Variants in GPRC5D observed in about 807,000 individuals in gnomAD.
GPRC5D encodes the protein G protein-coupled receptor class C group 5 member D, also known as G protein-coupled receptor family C group 5 member D.
GPRC5D carries 20 observed loss-of-function variants against 29.3 expected under a neutral mutation model. The ratio of observed to expected loss-of-function variants is 0.68; its 90% CI spans 0.48 to 0.99. The LOEUF is 0.99. Among genes scored for constraint, GPRC5D ranks in the 50% least tolerant of loss-of-function variants. The pLI is 0.00. For missense variants in GPRC5D, 384 were observed against 423.6 expected, an observed-to-expected ratio of 0.91 and a Z score of 0.82; for synonymous variants, 178 against 171.3, an observed-to-expected ratio of 1.04 and a Z score of -0.30.
In GPRC5D at chr12:12,949,677, C is replaced by A. The variant is rs764873589; in HGVS notation, c.708G>T (p.Gln236His). The A allele has an allele frequency of 5.6e-6, 9 of 1,614,026 alleles. No individual in the cohort carries two copies. Among genetic ancestry groups the A allele is most frequent in the Non-Finnish European group, 7.6e-6 (9 of 1,180,026 alleles). Residue 236 changes from glutamine (Q) to histidine (H), a missense_variant, in exon 1 of 3, where the codon CAG becomes CAT. Coordinates refer to ENST00000228887, the Ensembl canonical transcript of GPRC5D. ...CAATGCAGACGACCGGGTCGTCCCACTGGGGCTGTCGCTGGAACTGCGGGT... is the reference window on the plus strand; with the variant it reads ...CAATGCAGACGACCGGGTCGTCCCAATGGGGCTGTCGCTGGAACTGCGGGT...
chr12:12,941,479 G>A (rs554759171), intron 2 of GPRC5D, among the ~76,000 whole-genome samples: 1 of 152,320 alleles, frequency 6.6e-6, no homozygotes, highest in East Asian at 1.9e-4. Flanking sequence ...CCTGGTCCAT[G>A]TGTCATTCTA....
intron 1 of GPRC5D, among the ~76,000 whole-genome samples, chr12:12,946,422 C>CTT (rs113477971): frequency 0.82 from 115,752 of 141,108 alleles, 49,212 homozygotes; most frequent in Non-Finnish European, 0.91. Context: ...CTTTCTCTCT[C>CTT]TCTCTTTCTC....
At chr12:12,951,273 A>ATTTC (rs1863489234), upstream of GPRC5D, among the ~76,000 whole-genome samples, 1 of 152,220 alleles carries the variant, frequency 6.6e-6, no homozygotes, top group Admixed American at 6.5e-5. Flanking sequence ...GGGCATATGA[A>ATTTC]ATAAATGTCC....
At chr12:12,947,861 CTG>C (rs1208578913) in intron 1 of GPRC5D, among the ~76,000 whole-genome samples, 1 of 152,192 alleles carries the variant, frequency 6.6e-6, no homozygotes, top group East Asian at 1.9e-4. Flanking sequence ...CCCAGCCAAT[CTG>C]TATGTTCTTT....
chr12:12,951,960 A>G (rs1207108392), upstream of GPRC5D: 1 of 152,178 alleles, frequency 6.6e-6, no homozygotes, highest in Admixed American at 6.5e-5. Context: ...TAGCCTAGGA[A>G]AAAGATCCCA....
rs757127552 is a variant in GPRC5D at position 12,944,798 on chromosome 12, T to TTCCCTCCC, written c.896-2471_896-2470insGGGAGGGA. 2.4e-4 allele frequency among the ~76,000 whole-genome samples: 7 copies of TTCCCTCCC among 29,550 alleles called. 1 individual carries two copies. Among genetic ancestry groups the TTCCCTCCC allele is most frequent in the East Asian group, 2.2e-3 (2 of 892 alleles). 19.4% of individuals were successfully genotyped at this position (29,550 alleles called of 152,430 possible). A position where few individuals can be genotyped will look rare whatever the true frequency, so the allele number is the denominator to read the frequency against. On this transcript the variant is annotated intron_variant, in intron 1 of 2. Coordinates refer to ENST00000228887, the Ensembl canonical transcript of GPRC5D. Reference sequence around the variant, plus strand: ...CTTCCTTCCTTCCTTCCTTCCTTCCTTCCCTTCCTTCCTTCCTTCCTTCCT... The same window carrying TTCCCTCCC: ...CTTCCTTCCTTCCTTCCTTCCTTCCTTCCCTCCCTCCCTTCCTTCCTTCCTTCCTTCCT...
chr12:12,948,388 A>G (rs1276014185), intron 1 of GPRC5D: 3 of 154,318 alleles, frequency 1.9e-5, no homozygotes, highest in African/African-American at 7.2e-5. Flanking sequence ...AAAAGAATCA[A>G]TGGATGTATT....
intron 2 of GPRC5D, among the ~76,000 whole-genome samples, chr12:12,941,601 C>G (rs1592368421): frequency 6.6e-6 from 1 of 152,162 alleles, no homozygotes; most frequent in African/African-American, 2.4e-5. Flanking sequence ...GCTTTAGTTA[C>G]TTTTGATCCC....
upstream of GPRC5D, among the ~76,000 whole-genome samples, chr12:12,951,040 G>T (rs995326494): frequency 2.7e-5 from 4 of 150,872 alleles, no homozygotes; most frequent in Admixed American, 6.6e-5. Context: ...AACCCAGGAG[G>T]CAGAGGTTGC....
upstream of GPRC5D, among the ~76,000 whole-genome samples, chr12:12,951,906 C>A (rs377621887): frequency 3.3e-5 from 5 of 152,134 alleles, no homozygotes; most frequent in Non-Finnish European, 7.3e-5. Flanking sequence ...TCTTTAAATA[C>A]CTTTTTGAAC....
chr12:12,949,168 G>A (rs1178728163), intron 1 of GPRC5D, among the ~76,000 whole-genome samples: 1 of 152,116 alleles, frequency 6.6e-6, no homozygotes, highest in African/African-American at 2.4e-5. Flanking sequence ...CCTAATTTAG[G>A]GCCAGTTAAC....
Position 12,949,605 on chromosome 12 carries a change from AG to A in GPRC5D, c.779del (p.Pro260LeufsTer50). ...ACGATCTGTAGAGAATGCAGAGCTC[AG>A]GGACGATGTACAGCAGCAGGAAAAC... On this transcript the variant is annotated frameshift_variant, in exon 1 of 3. Coordinates refer to ENST00000228887, the Ensembl canonical transcript of GPRC5D. LOFTEE classifies it high-confidence loss of function. 1 of 1,614,162 alleles carries A rather than the reference AG, an allele frequency of 6.2e-7. No homozygotes were observed. Among genetic ancestry groups the A allele is most frequent in the Non-Finnish European group, 8.5e-7 (1 of 1,179,966 alleles).
rs1159812492 is a variant in GPRC5D at position 12,949,480 on chromosome 12, A to G, written c.895+10T>C. 1 of 1,603,344 alleles carries G rather than the reference A, an allele frequency of 6.2e-7. No individual in the cohort carries two copies. Among genetic ancestry groups the G allele is most frequent in the Non-Finnish European group, 8.5e-7 (1 of 1,173,046 alleles). Reference sequence around the variant, plus strand: ...CACCTCCCTGCTCCCTGAATCCCCCAGGAATGTACCTCTGGAGAGCTCCTG... The same window carrying G: ...CACCTCCCTGCTCCCTGAATCCCCCGGGAATGTACCTCTGGAGAGCTCCTG... On this transcript the variant is annotated intron_variant, in intron 1 of 2. Transcript: ENST00000228887.
At chr12:12,947,539 TCCTC>T (rs1164740438) in intron 1 of GPRC5D, among the ~76,000 whole-genome samples, 34 of 151,490 alleles carry the variant, frequency 2.2e-4, no homozygotes, top group South Asian at 6.3e-4. Flanking sequence ...CTTCCTTCCT[TCCTC>T]CCTCCCTCCC....
chr12:12,944,466 G>A (rs1042064765), intron 1 of GPRC5D: 1 of 151,134 alleles, frequency 6.6e-6, no homozygotes, highest in Admixed American at 6.7e-5. Context: ...ATTGAAGTTG[G>A]ATTTCCCCTG....
intron 1 of GPRC5D, among the ~76,000 whole-genome samples, chr12:12,944,846 C>CT (rs371537149): frequency 1.6e-4 from 5 of 31,242 alleles, no homozygotes; most frequent in African/African-American, 3.0e-4. Context: ...TCCTTCCTTC[C>CT]TTCCTTCTTT....
At chr12:12,948,664 A>G (rs1003317607) in intron 1 of GPRC5D, 2 of 152,898 alleles carry the variant, frequency 1.3e-5, no homozygotes, top group African/African-American at 4.8e-5. Context: ...GGAATTAATG[A>G]GTTTTGACAT....
At chr12:12,945,548 A>AATATCATATC (rs1863293760) in intron 1 of GPRC5D, among the ~76,000 whole-genome samples, 1 of 152,174 alleles carries the variant, frequency 6.6e-6, no homozygotes, top group South Asian at 2.1e-4. Flanking sequence ...TCAGGAAGAG[A>AATATCATATC]AATATTCCAA....
In GPRC5D at chr12:12,949,874, C is replaced by G. The variant is rs1240020824; in HGVS notation, c.511G>C (p.Val171Leu). ...AAGAGGACATAGACCAGGAGTACAACAAAGTCCACATTGAGCTGGCAGGGT... is the reference window on the plus strand; with the variant it reads ...AAGAGGACATAGACCAGGAGTACAAGAAAGTCCACATTGAGCTGGCAGGGT... Residue 171 changes from valine (V) to leucine (L), a missense_variant, in exon 1 of 3, where the codon GTT becomes CTT. Physicochemically the swap from Val to Leu is conservative, Grantham distance 32 (BLOSUM62 1). Transcript: ENST00000228887. 1.9e-6 allele frequency: 3 copies of G among 1,614,206 alleles called. No homozygotes were observed. In the South Asian group the frequency reaches 3.3e-5, roughly 18 times the overall value.
Sources: gnomAD v4.1 joint callset for allele counts (sites outside exome capture counted in the v4.1 genomes callset) on GRCh38, gnomAD v4.1.1 for gene constraint, MANE v1.5 for transcripts, NCBI Gene and HGNC (gene_info 2026-07-23, HGNC 2026-07-21) for gene names.